Variants in FGG observed in about 807,000 individuals in gnomAD.
FGG encodes fibrinogen gamma chain.
In FGG, 20 loss-of-function variants were observed where a neutral mutation model predicts 51.7. The observed-to-expected ratio is 0.39, with a 90% CI of 0.27 to 0.56. The LOEUF (loss-of-function observed/expected upper bound fraction) is 0.56. Ranked by LOEUF, FGG falls within the 20% of genes least tolerant of loss-of-function variation. The pLI is 0.64. For synonymous variants in FGG, 184 were observed against 184.7 expected, an observed-to-expected ratio of 1.00 and a Z score of 0.03; for missense variants, 460 against 534.2, an observed-to-expected ratio of 0.86 and a Z score of 1.37.
Position 154,610,143 on chromosome 4 carries a change from C to G in FGG, c.456G>C (p.Glu152Asp), listed in dbSNP as rs757252622. The change falls in exon 5 of 9, where the codon GAG becomes GAC. Residue 152 changes from glutamate to aspartate, a missense_variant. Transcript: ENST00000336098. ...SNNQKIVNLK[E>D]KVAQLEAQCQ... is the part of the protein sequence containing the mutation. Reference sequence around the variant, plus strand: ...ACTGTGCTTCAAGCTGGGCTACCTTCTCTTTCAGGTTAACAATCTTTTGAT... The same window carrying G: ...ACTGTGCTTCAAGCTGGGCTACCTTGTCTTTCAGGTTAACAATCTTTTGAT... 2 of 1,608,116 alleles carry G rather than the reference C, an allele frequency of 1.2e-6. No individual in the cohort carries two copies. Among genetic ancestry groups the G allele is most frequent in the African/African-American group, 2.7e-5 (2 of 74,780 alleles).
At position 154,612,349 on chromosome 4, in the gene FGG, C is replaced by G. The variant is rs778286703; in HGVS notation, c.123+42G>C. 2.5e-6 allele frequency: 4 copies of G among 1,606,760 alleles called. No homozygotes were observed. The South Asian group carries it at 4.4e-5, about 18-fold the overall frequency. On this transcript the variant is annotated intron_variant, in intron 2 of 8. Coordinates refer to ENST00000336098, the MANE Select transcript of FGG (RefSeq NM_021870.3). ...GAATTATTTCTATTCCTCTGCCCCT[C>G]TCCAGTTCACACACAAAGGGAGAAA... is the stretch of plus-strand genomic sequence containing the variant.
chr4:154,607,311 T>C (rs1731118997), intron 7 of FGG, among the ~76,000 whole-genome samples: 1 of 152,026 alleles, frequency 6.6e-6, no homozygotes, highest in South Asian at 2.1e-4. Context: ...TTTTCTACTT[T>C]TATTGAAATG....
rs771105517 is a variant in FGG, at chr4:154,612,193, A to G, written c.132T>C (p.Tyr44=). The G allele has an allele frequency of 1.4e-5, 22 of 1,609,362 alleles. No homozygotes were observed. The highest frequency in any genetic ancestry group is 1.8e-4 in the Middle Eastern group (1 of 5,536). ...CTGCAATGCCACAGGTAGTTGGACA[A>G]TAACTACCCTGAAAATATAACAGTG... The part of the protein sequence containing the change: ...CCILDERFGS[Y]CPTTCGIADF... Residue 44 remains tyrosine, a synonymous_variant, in exon 3 of 9, where the codon TAT becomes TAC. Transcript: ENST00000336098.
chr4:154,611,792 C>G lies in FGG; in HGVS notation c.401+13G>C. 1 of 1,580,834 alleles carries G rather than the reference C, an allele frequency of 6.3e-7. No homozygotes were observed. Among genetic ancestry groups the G allele is most frequent in the Non-Finnish European group, 8.7e-7 (1 of 1,154,268 alleles). ...ATCAGTCTTGCAGAGCAAATTAAAA[C>G]AAAAATCCTTACCGAATACTTGAGT... On this transcript the variant is annotated intron_variant, in intron 4 of 8. Transcript: ENST00000336098.
At position 154,611,870 on chromosome 4, in the gene FGG, G is replaced by A; in HGVS notation, c.336C>T (p.Ser112=). 1 of 1,611,928 alleles carries A rather than the reference G, an allele frequency of 6.2e-7. No homozygotes were observed. Among genetic ancestry groups the A allele is most frequent in the Non-Finnish European group, 8.5e-7 (1 of 1,179,098 alleles). The change falls in exon 4 of 9, where the codon TCC becomes TCT. Residue 112 remains serine, a synonymous_variant. Transcript: ENST00000336098. Reference sequence around the variant, plus strand: ...TCATAATTTCTTCTAACATTTTCCTGGACTTCAAAGTAGCAGCGTCTATCA... The same window carrying A: ...TCATAATTTCTTCTAACATTTTCCTAGACTTCAAAGTAGCAGCGTCTATCA... ...PNMIDAATLK[S]RKMLEEIMKY... is the part of the protein sequence containing the mutation.
rs565923862 is a variant in FGG at position 154,606,966 on chromosome 4, T to C, written c.868A>G (p.Met290Val). ...NGRTSTADYA[M>V]FKVGPEADKY... ...TCAGCTTCAGGTCCCACCTTGAACA[T>C]GGCATAGTCTGCAGTACTGAGAAGA... Residue 290 changes from methionine (M) to valine (V), a missense_variant, in exon 8 of 9, where the codon ATG becomes GTG. This residue lies in a region of FGG where 353 missense variants were observed against 391.7 expected (regional missense o/e 0.90). Transcript: ENST00000336098. The C allele has an allele frequency of 2.6e-5, 42 of 1,607,372 alleles. No individual in the cohort carries two copies. The highest frequency in any genetic ancestry group is 3.1e-5 in the Non-Finnish European group (37 of 1,176,472).
Position 154,608,541 on chromosome 4 carries a change from A to G in FGG, c.776T>C (p.Ile259Thr). 1 of 1,613,758 alleles carries G rather than the reference A, an allele frequency of 6.2e-7. No individual in the cohort carries two copies. The highest frequency in any genetic ancestry group is 8.5e-7 in the Non-Finnish European group (1 of 1,179,806). ...TTEFWLGNEK[I>T]HLISTQSAIP... is the part of the protein sequence containing the mutation. The stretch of plus-strand genomic sequence containing the variant: ...GGCAGACTGTGTGCTTATCAAATGA[A>G]TCTTCTCATTTCCCAGCCAAAATTC... The change falls in exon 7 of 9, where the codon ATT becomes ACT. Residue 259 changes from isoleucine to threonine, a missense_variant. By Grantham distance (89) the Ile-to-Thr change is moderately conservative. Around this residue, in one of 3 missense-constraint regions of FGG, gnomAD observed 353 missense variants for 391.7 expected, o/e 0.90. Transcript: ENST00000336098.
rs1195783292 is a variant in FGG, at chr4:154,607,097, T to C, written c.852-115A>G. On this transcript the variant is annotated intron_variant, in intron 7 of 8. Transcript: ENST00000336098. ...TTGACTTTGTTTCTTAAGGCTGAAA[T>C]TTGCTCATTGAGTGAAGTTTTTTGC... 3 of 1,357,138 alleles carry C rather than the reference T, an allele frequency of 2.2e-6. No individual in the cohort carries two copies. The East Asian group carries it at 7.0e-5, about 32-fold the overall frequency. The allele number at this position is 1,357,138 out of a possible 1,614,324, so 84.1% of individuals were successfully genotyped here.
chr4:154,606,667 C>T, intron 8 of FGG, 38 bp downstream of exon 8: 7 of 1,600,328 alleles, frequency 4.4e-6, no homozygotes, highest in Non-Finnish European at 2.6e-6. Context: ...ATAGTATACA[C>T]TATACATTAA....
chr4:154,606,851 T>C lies in FGG; in HGVS notation c.983A>G (p.Lys328Arg). 1.2e-6 allele frequency: 2 copies of C among 1,613,924 alleles called. No homozygotes were observed. Among genetic ancestry groups the C allele is most frequent in the Non-Finnish European group, 1.7e-6 (2 of 1,179,874 alleles). Residue 328 changes from lysine to arginine, a missense_variant, in exon 8 of 9, where the codon AAG (lysine) becomes AGG (arginine). Lys to Arg is a conservative substitution (Grantham distance 26). Transcript: ENST00000336098. ...GFDFGDDPSD[K>R]FFTSHNGMQF... ...CATGCCATTATGGGATGTGAAAAAC[T>C]TGTCACTAGGATCATCGCCAAAATC...
intron 7 of FGG, among the ~76,000 whole-genome samples, chr4:154,608,145 T>G (rs1731134284): frequency 6.6e-6 from 1 of 152,230 alleles, no homozygotes; most frequent in Non-Finnish European, 1.5e-5. Context: ...TAATAATACC[T>G]GCTTCATGAA....
chr4:154,604,218 G>T lies in FGG; in HGVS notation c.*616C>A. ...AAAACTGTTATGGAGTTTTCAACAT[G>T]GGGTCTTTTGCTCTTAAAATGAAGT... On this transcript the variant is annotated 3_prime_UTR_variant, in exon 9 of 9. Transcript: ENST00000336098. The T allele has an allele frequency of 1.5e-6, 1 of 665,078 alleles. No homozygotes were observed. The highest frequency in any genetic ancestry group is 2.4e-6 in the Non-Finnish European group (1 of 412,790). The allele number at this position is 665,078 out of a possible 1,614,324, so 41.2% of individuals were successfully genotyped here. A position where few individuals can be genotyped will look rare whatever the true frequency, so the allele number is the denominator to read the frequency against.
At chr4:154,610,343 T>C (rs982078765) in intron 4 of FGG, 146 bp from the exon 5 acceptor site, 1 of 632,232 alleles carries the variant, frequency 1.6e-6, no homozygotes, top group South Asian at 2.1e-5. Flanking sequence ...TTGAGGAAAA[T>C]GTAAAATTAT....
rs1166533069 is a variant in FGG, at chr4:154,604,497, T to G, written c.*337A>C. The G allele has an allele frequency of 9.0e-7, 1 of 1,105,318 alleles. No individual in the cohort carries two copies. Among genetic ancestry groups the G allele is most frequent in the Non-Finnish European group, 1.2e-6 (1 of 807,314 alleles). 68.5% of individuals were successfully genotyped at this position (1,105,318 alleles called of 1,614,324 possible). A position where few individuals can be genotyped will look rare whatever the true frequency, so the allele number is the denominator to read the frequency against. ...TGAAACTCTAAAATGTTCTCCTATT[T>G]TATTAAGTACATACTAAAATATTTG... On this transcript the variant is annotated 3_prime_UTR_variant, in exon 9 of 9. Coordinates refer to ENST00000336098, the MANE Select transcript of FGG (RefSeq NM_021870.3).
chr4:154,608,514 A>T lies in FGG; in HGVS notation c.803T>A (p.Ile268Asn). ...KIHLISTQSA[I>N]PYALRVELED... is the part of the protein sequence containing the mutation. ...CAGTTCCACTCTTAATGCATATGGG[A>T]TGGCAGACTGTGTGCTTATCAAATG... is the stretch of plus-strand genomic sequence containing the variant. The change falls in exon 7 of 9, where the codon ATC (isoleucine) becomes AAC (asparagine). Residue 268 changes from isoleucine (I) to asparagine (N), a missense_variant. Physicochemically the swap from Ile to Asn is moderately radical, Grantham distance 149. This residue lies in a region of FGG where 353 missense variants were observed against 391.7 expected (regional missense o/e 0.90). Coordinates refer to ENST00000336098, the MANE Select transcript of FGG (RefSeq NM_021870.3). The T allele has an allele frequency of 1.2e-6, 2 of 1,613,728 alleles. No homozygotes were observed. The highest frequency in any genetic ancestry group is 1.7e-6 in the Non-Finnish European group (2 of 1,179,816).
In FGG at chr4:154,610,072, C is replaced by T. The variant is rs1731177439; in HGVS notation, c.527G>A (p.Gly176Glu). The T allele has an allele frequency of 2.5e-6, 4 of 1,613,618 alleles. No individual in the cohort carries two copies. Among genetic ancestry groups the T allele is most frequent in the East Asian group, 4.5e-5 (2 of 44,860 alleles). ...ATATAACCTTCATCAGTTACCTTTC[C>T]CAGTGATATCATGGATTTGCACCGT... ...KDTVQIHDIT[G>E]KDCQDIANKG... Residue 176 changes from glycine (G) to glutamate (E), a missense_variant, in exon 5 of 9, where the codon GGG becomes GAG. Transcript: ENST00000336098.
chr4:154,604,393 A>T lies in FGG; in HGVS notation c.*441T>A, dbSNP rs2066880. ...ACAAAACAAAAACCATATTAAAAAG[A>T]CATAATTTTCTCCATTTAAAAAGAA... On this transcript the variant is annotated 3_prime_UTR_variant, in exon 9 of 9. Transcript: ENST00000336098. The T allele has an allele frequency of 4.7e-3, 6,883 of 1,461,342 alleles. 297 individuals carry two copies. The African/African-American group carries it at 0.085, about 18-fold the overall frequency. The allele number at this position is 1,461,342 out of a possible 1,614,324, so 90.5% of individuals were successfully genotyped here.
At chr4:154,611,541 T>A (rs989744554) in intron 4 of FGG, 3 of 263,688 alleles carry the variant, frequency 1.1e-5, no homozygotes, top group Non-Finnish European at 2.1e-5. Flanking sequence ...GGGGAAAAAA[T>A]TTTTGATAAA....
chr4:154,612,466 A>G, intron 1 of FGG, 31 bp from the exon 2 acceptor site: 1 of 1,613,600 alleles, frequency 6.2e-7, no homozygotes, highest in Non-Finnish European at 8.5e-7. Context: ...AAATTTCACT[A>G]GTTTATTATC....
Sources: gnomAD v4.1 joint callset for allele counts (sites outside exome capture counted in the v4.1 genomes callset) on GRCh38, gnomAD v4.1.1 for gene constraint, gnomAD v4.1.1 regional missense constraint, MANE v1.5 for transcripts, NCBI Gene and HGNC (gene_info 2026-07-23, HGNC 2026-07-21) for gene names.